The following FSIP2 variants were observed in gnomAD, a reference collection of about 807,000 sequenced individuals.
The protein encoded by FSIP2 is fibrous sheath-interacting protein 2.
A neutral mutation model predicts 510.5 loss-of-function variants in FSIP2; 367 were observed. The observed-to-expected ratio is 0.72, with a 90% CI of 0.66 to 0.78. The LOEUF is 0.78. FSIP2 is among the 30% of genes least tolerant of loss of function. The pLI is 0.00. For missense variants in FSIP2, 7,594 were observed against 7,901.7 expected (o/e 0.96, Z 1.48); for synonymous variants, 2,601 against 2,732.2 (o/e 0.95, Z 1.50).
chr2:185,803,354 G>C lies in FSIP2; in HGVS notation c.14048G>C (p.Arg4683Thr), dbSNP rs1385783721. 1 of 1,533,074 alleles carries C rather than the reference G, an allele frequency of 6.5e-7. No homozygotes were observed. The highest frequency in any genetic ancestry group is 8.7e-7 in the Non-Finnish European group (1 of 1,144,908). The allele number at this position is 1,533,074 out of a possible 1,614,324, so 95.0% of individuals were successfully genotyped here. A position where few individuals can be genotyped will look rare whatever the true frequency, so the allele number is the denominator to read the frequency against. ...QVSIIDNTEE[R>T]LCLPPVERDV... ...AGCATTATAGATAATACTGAGGAAA[G>C]ACTGTGTTTACCTCCAGTGGAGAGG... is the stretch of plus-strand genomic sequence containing the variant. Residue 4683 changes from arginine (R) to threonine (T), a missense_variant, in exon 17 of 23, where the codon AGA (arginine) becomes ACA (threonine). Transcript: ENST00000424728.
In FSIP2 at chr2:185,786,309, C is replaced by T. The variant is rs1257089592; in HGVS notation, c.1506+21C>T. On this transcript the variant is annotated intron_variant, in intron 15 of 22. Transcript: ENST00000424728. ...AAAAAGTATGTATCATAAAATCCAC[C>T]GAGAAAGCAACATATTAGTCATACT... 13 of 1,495,318 alleles carry T rather than the reference C, an allele frequency of 8.7e-6. No homozygotes were observed. The East Asian group carries it at 1.5e-4, about 17-fold the overall frequency. 92.6% of individuals were successfully genotyped at this position (1,495,318 alleles called of 1,614,324 possible). A position where few individuals can be genotyped will look rare whatever the true frequency, so the allele number is the denominator to read the frequency against.
In FSIP2 at chr2:185,792,126, G is replaced by A. The variant is rs569770014; in HGVS notation, c.4990G>A (p.Asp1664Asn). The change falls in exon 16 of 23, where the codon GAT becomes AAT. Residue 1664 changes from aspartate (D) to asparagine (N), a missense_variant. By Grantham distance (23) the Asp-to-Asn change is conservative. Coordinates refer to ENST00000424728, the MANE Select transcript of FSIP2 (RefSeq NM_173651.4). ...AACAGAATTAAATGTGACCTCATCA[G>A]ATTTGAAGACAAGTGTAGAAAACCC... ...IQTELNVTSS[D>N]LKTSVENPPP... The A allele has an allele frequency of 2.3e-4, 351 of 1,533,848 alleles. No individual in the cohort carries two copies. The highest frequency in any genetic ancestry group is 2.1e-3 in the South Asian group (179 of 83,956).
chr2:185,833,092 A>G lies in FSIP2; in HGVS notation c.20590A>G (p.Thr6864Ala). The G allele has an allele frequency of 6.2e-7, 1 of 1,609,694 alleles. No homozygotes were observed. Among genetic ancestry groups the G allele is most frequent in the Non-Finnish European group, 8.5e-7 (1 of 1,177,646 alleles). ...ANPSKEVISE[T>A]PKPDVSKQGS... ...CTTCTTGTTTACTTTGTCCACAGAAACTCCCAAGCCCGATGTCTCCAAACA... is the reference window on the plus strand; with the variant it reads ...CTTCTTGTTTACTTTGTCCACAGAAGCTCCCAAGCCCGATGTCTCCAAACA... Residue 6864 changes from threonine (T) to alanine (A), a missense_variant and splice_region_variant, in exon 23 of 23, where the codon ACT becomes GCT. Thr to Ala is a moderately conservative substitution (Grantham distance 58, BLOSUM62 0). Transcript: ENST00000424728.
Position 185,782,701 on chromosome 2 carries a change from A to C in FSIP2, c.1412-4A>C. 6.6e-7 allele frequency: 1 copy of C among 1,504,688 alleles called. No homozygotes were observed. The highest frequency in any genetic ancestry group is 1.4e-5 in the African/African-American group (1 of 72,582). 93.2% of individuals were successfully genotyped at this position (1,504,688 alleles called of 1,614,324 possible). A position where few individuals can be genotyped will look rare whatever the true frequency, so the allele number is the denominator to read the frequency against. On this transcript the variant is annotated splice_region_variant and splice_polypyrimidine_tract_variant and intron_variant, in intron 13 of 22. Transcript: ENST00000424728. The stretch of plus-strand genomic sequence containing the variant: ...CTATGTAATTTTATTTTTCTGATAA[A>C]TAGGACCTCAGGCTCATGCTACAGA...
At chr2:185,786,404 G>C (rs1238543953) in intron 15 of FSIP2, 116 bp downstream of exon 15, 6 of 689,126 alleles carry the variant, frequency 8.7e-6, no homozygotes, top group Non-Finnish European at 1.4e-5. Context: ...TATTTGTTAG[G>C]CTTCCTTTTT....
intron 6 of FSIP2, 29 bp downstream of exon 6, chr2:185,746,839 C>A (rs6758484): frequency 0.99 from 1,433,474 of 1,448,710 alleles, 709,599 homozygotes; most frequent in Non-Finnish European, 1. Context: ...AAAATATTAA[C>A]AGAAAAATTG....
intron 13 of FSIP2, among the ~76,000 whole-genome samples, chr2:185,781,202 T>G (rs891912798): frequency 1.3e-5 from 2 of 152,194 alleles, no homozygotes; most frequent in African/African-American, 4.8e-5. Flanking sequence ...CAATAGACAC[T>G]GTATTTTAAG....
chr2:185,750,646 T>C lies in FSIP2; in HGVS notation c.871-3076T>C, dbSNP rs530645452. Among the ~76,000 whole-genome samples the C allele has an allele frequency of 4.0e-5, 6 of 150,956 alleles. No individual in the cohort carries two copies. The East Asian group carries it at 1.2e-3, about 29-fold the overall frequency. On this transcript the variant is annotated intron_variant, in intron 7 of 22. Transcript: ENST00000424728. ...TTGTTGATTTCTGTTCTGATCTTTTTGTTAAATACCTTTTTTCTTTTTAGG... is the reference window on the plus strand; with the variant it reads ...TTGTTGATTTCTGTTCTGATCTTTTCGTTAAATACCTTTTTTCTTTTTAGG...
At chr2:185,768,080 T>C (rs956033456) in intron 13 of FSIP2, among the ~76,000 whole-genome samples, 3 of 152,160 alleles carry the variant, frequency 2.0e-5, no homozygotes, top group South Asian at 2.1e-4. Flanking sequence ...TGTGAAGTGG[T>C]ATATCATTAT....
intron 7 of FSIP2, among the ~76,000 whole-genome samples, chr2:185,753,422 T>G (rs943251136): frequency 2.0e-5 from 3 of 151,424 alleles, no homozygotes; most frequent in Non-Finnish European, 4.4e-5. Flanking sequence ...CAATTGAAGA[T>G]GATTAAGAAA....
intron 18 of FSIP2, among the ~76,000 whole-genome samples, chr2:185,815,043 C>G (rs1232649626): frequency 2.0e-5 from 3 of 151,976 alleles, no homozygotes; most frequent in Admixed American, 1.3e-4. Context: ...TATCTGTGTT[C>G]TTCCTCTTTT....
Position 185,803,764 on chromosome 2 carries a change from T to G in FSIP2, c.14458T>G (p.Ser4820Ala). ...TGCAGAGCAGTCAGATACTACTAAA[T>G]CAGACTTAAGTAATACAGTGATAAA... ...TSAEQSDTTK[S>A]DLSNTVIKLI... is the part of the protein sequence containing the mutation. Residue 4820 changes from serine to alanine, a missense_variant, in exon 17 of 23, where the codon TCA (serine) becomes GCA (alanine). By Grantham distance (99) the Ser-to-Ala change is moderately conservative. Coordinates refer to ENST00000424728, the MANE Select transcript of FSIP2 (RefSeq NM_173651.4). The G allele has an allele frequency of 6.5e-7, 1 of 1,531,068 alleles. No homozygotes were observed. The highest frequency in any genetic ancestry group is 8.7e-7 in the Non-Finnish European group (1 of 1,143,828). 94.8% of individuals were successfully genotyped at this position (1,531,068 alleles called of 1,614,324 possible). A position where few individuals can be genotyped will look rare whatever the true frequency, so the allele number is the denominator to read the frequency against.
intron 13 of FSIP2, among the ~76,000 whole-genome samples, chr2:185,779,898 C>T (rs924569727): frequency 5.3e-5 from 8 of 149,910 alleles, no homozygotes; most frequent in Non-Finnish European, 1.2e-4. Flanking sequence ...GTCATTATGT[C>T]CAAGGGTATG....
Position 185,799,670 on chromosome 2 carries a change from T to G in FSIP2, c.10391-27T>G, listed in dbSNP as rs2105635013. On this transcript the variant is annotated intron_variant, in intron 16 of 22. Coordinates refer to ENST00000424728, the MANE Select transcript of FSIP2 (RefSeq NM_173651.4). Reference sequence around the variant, plus strand: ...TTTCTATATTTTCTTTAATCCATGCTAAAATTACAATGTTTCCTTTTTTAA... The same window carrying G: ...TTTCTATATTTTCTTTAATCCATGCGAAAATTACAATGTTTCCTTTTTTAA... 2.7e-6 allele frequency: 3 copies of G among 1,117,086 alleles called. No individual in the cohort carries two copies. In the East Asian group the frequency reaches 8.2e-5, roughly 30 times the overall value. 69.2% of individuals were successfully genotyped at this position (1,117,086 alleles called of 1,614,324 possible).
chr2:185,758,351 A>T (rs2105552141), intron 9 of FSIP2, among the ~76,000 whole-genome samples: 1 of 151,316 alleles, frequency 6.6e-6, no homozygotes, highest in African/African-American at 2.4e-5. Context: ...AGTAAAAAAA[A>T]ACTACATTTA....
intron 19 of FSIP2, among the ~76,000 whole-genome samples, chr2:185,816,874 AG>A (rs201624836): frequency 5.3e-5 from 8 of 150,796 alleles, no homozygotes; most frequent in African/African-American, 2.0e-4. Flanking sequence ...AGAGAGAGAG[AG>A]AGAGAAGACG....
intron 16 of FSIP2, among the ~76,000 whole-genome samples, chr2:185,799,036 T>A (rs538388409): frequency 2.7e-4 from 41 of 151,964 alleles, no homozygotes; most frequent in African/African-American, 9.9e-4. Flanking sequence ...GTGTTGCTCT[T>A]GGCTGCCACA....
At position 185,788,937 on chromosome 2, in the gene FSIP2, C is replaced by T; in HGVS notation, c.1801C>T (p.Pro601Ser). 3 of 1,534,988 alleles carry T rather than the reference C, an allele frequency of 2.0e-6. No homozygotes were observed. The highest frequency in any genetic ancestry group is 2.6e-6 in the Non-Finnish European group (3 of 1,146,028). Residue 601 changes from proline (P) to serine (S), a missense_variant, in exon 16 of 23, where the codon CCT becomes TCT. Transcript: ENST00000424728. ...SVRRPTTPIK[P>S]PPAHVEKTVV... ...AAGGAGACCAACCACACCTATAAAA[C>T]CTCCTCCTGCACATGTGGAAAAAAC... is the stretch of plus-strand genomic sequence containing the variant.
chr2:185,762,157 A>G (rs931788533), intron 11 of FSIP2, 140 bp downstream of exon 11: 4 of 505,456 alleles, frequency 7.9e-6, no homozygotes, highest in Non-Finnish European at 1.0e-5. Context: ...TTTTTTATGA[A>G]TATAGATATT....
Sources: gnomAD v4.1 joint callset for allele counts (sites outside exome capture counted in the v4.1 genomes callset) on GRCh38, gnomAD v4.1.1 for gene constraint, MANE v1.5 for transcripts, NCBI Gene and HGNC (gene_info 2026-07-23, HGNC 2026-07-21) for gene names.